The following PARVG variants were observed in gnomAD, a reference collection of about 807,000 sequenced individuals.
The protein encoded by PARVG is parvin gamma, also known as gamma-parvin.
In PARVG, 36 loss-of-function variants were observed where a neutral mutation model predicts 44.4. The ratio of observed to expected loss-of-function variants is 0.81; its 90% CI spans 0.62 to 1.07. PARVG has a LOEUF of 1.07. PARVG is among the 50% of genes least tolerant of loss of function. The pLI is 0.00. For synonymous variants in PARVG, 170 were observed against 174.1 expected (o/e 0.98, Z 0.19); for missense variants, 407 against 407.4 (o/e 1.00, Z 0.01).
chr22:44,174,213 GGAGT>G (rs2054297127), intron 1 of PARVG, among the ~76,000 whole-genome samples: 1 of 151,976 alleles, frequency 6.6e-6, no homozygotes, highest in African/African-American at 2.4e-5. Flanking sequence ...GTGGGGCAGG[GGAGT>G]GAGAGGGAAC....
rs961986652 is a variant in PARVG at position 44,208,179 on chromosome 22, T to C, written c.*1753T>C. On this transcript the variant is annotated 3_prime_UTR_variant, in exon 14 of 14. Transcript: ENST00000444313. ...CTGTTCCACGTCCTCACTCTTGTTC[T>C]ATTTGACAGCAATTAAAAAAAAAGT... 2 of 152,218 alleles carry C rather than the reference T, an allele frequency of 1.3e-5. No homozygotes were observed. Among genetic ancestry groups the C allele is most frequent in the African/African-American group, 4.8e-5 (2 of 41,462 alleles). 9.4% of individuals were successfully genotyped at this position (152,218 alleles called of 1,614,324 possible).
intron 12 of PARVG, among the ~76,000 whole-genome samples, chr22:44,200,652 A>G (rs2054694922): frequency 6.6e-6 from 1 of 152,144 alleles, no homozygotes; most frequent in African/African-American, 2.4e-5. Context: ...CTGCAGCAGT[A>G]GCTTTTTCTA....
chr22:44,197,653 T>G (rs1251398039), intron 11 of PARVG, among the ~76,000 whole-genome samples: 1 of 152,152 alleles, frequency 6.6e-6, no homozygotes, highest in Non-Finnish European at 1.5e-5. Context: ...CCCTCCACAT[T>G]TGCTGTGTGA....
At chr22:44,204,184 C>T (rs923103556) in intron 12 of PARVG, among the ~76,000 whole-genome samples, 93 of 151,992 alleles carry the variant, frequency 6.1e-4, no homozygotes, top group African/African-American at 2.1e-3. Flanking sequence ...AGCGGCCCTG[C>T]TGCTGCTGCT....
At chr22:44,201,838 C>T (rs906749420) in intron 12 of PARVG, among the ~76,000 whole-genome samples, 3 of 152,212 alleles carry the variant, frequency 2.0e-5, no homozygotes, top group Non-Finnish European at 2.9e-5. Context: ...CTGCCATGTT[C>T]CTTCTGGGAC....
At chr22:44,205,979 G>A (rs908469222) in intron 13 of PARVG, 150 bp downstream of exon 13, 5 of 987,860 alleles carry the variant, frequency 5.1e-6, no homozygotes, top group South Asian at 1.5e-5. Context: ...CGCTTGCCAA[G>A]GTTTCTTGGG....
chr22:44,191,149 G>T (rs2054542680), intron 7 of PARVG, among the ~76,000 whole-genome samples: 1 of 152,102 alleles, frequency 6.6e-6, no homozygotes, highest in Non-Finnish European at 1.5e-5. Flanking sequence ...CAGATGTTCT[G>T]TCTAGCATGC....
intron 9 of PARVG, 116 bp from the exon 10 acceptor site, chr22:44,196,039 A>C (rs2054612376): frequency 9.1e-7 from 1 of 1,095,678 alleles, no homozygotes; most frequent in African/African-American, 1.6e-5. Context: ...ATGATGTAAA[A>C]CGACAGCTCC....
In PARVG at chr22:44,182,009, G is replaced by C; in HGVS notation, c.-13+92G>C. 1 of 966,474 alleles carries C rather than the reference G, an allele frequency of 1.0e-6. No homozygotes were observed. The highest frequency in any genetic ancestry group is 1.2e-6 in the Non-Finnish European group (1 of 812,636). The allele number at this position is 966,474 out of a possible 1,614,324, so 59.9% of individuals were successfully genotyped here. A position where few individuals can be genotyped will look rare whatever the true frequency, so the allele number is the denominator to read the frequency against. ...CACCTGGGAAGGATCCCAGAGTGCA[G>C]TCCCAGCCCAGGCCACCCGGGGAAG... On this transcript the variant is annotated intron_variant, in intron 2 of 13. Transcript: ENST00000444313. The surrounding 1 kb of genome is among the most constrained non-coding windows in gnomAD (Gnocchi z 4.6).
chr22:44,177,823 A>G (rs1260394515), upstream of PARVG, among the ~76,000 whole-genome samples: 4 of 152,172 alleles, frequency 2.6e-5, no homozygotes, highest in African/African-American at 9.7e-5. Context: ...CCGTGATCAC[A>G]CCACTGCACT....
At chr22:44,173,336 A>G (rs12158585) in intron 1 of PARVG, 59,558 of 676,052 alleles carry the variant, frequency 0.088, 2,940 homozygotes, top group African/African-American at 0.14. Context: ...TTGCATGCTG[A>G]CCAGTAAGTG....
upstream of PARVG, among the ~76,000 whole-genome samples, chr22:44,178,212 C>T (rs2054336960): frequency 2.0e-5 from 3 of 152,196 alleles, no homozygotes; most frequent in Admixed American, 2.0e-4. Flanking sequence ...ACTCTTTGTA[C>T]TTTCCTGCAG....
chr22:44,188,238 CG>C, intron 5 of PARVG: 1 of 257,820 alleles, frequency 3.9e-6, no homozygotes, highest in Non-Finnish European at 7.7e-6. Context: ...AGAGAGAAAA[CG>C]GGCAGTCCTG....
At position 44,185,835 on chromosome 22, in the gene PARVG, C is replaced by T. The variant is rs374961285; in HGVS notation, c.107C>T (p.Thr36Ile). ...GGAAAGAAGAAATACCTGCCACCCA[C>T]TTCCCGGAAGGACCCCAAATTTGAA... ...KGGKKKYLPP[T>I]SRKDPKFEEL... Residue 36 changes from threonine (T) to isoleucine (I), a missense_variant, in exon 4 of 14, where the codon ACT becomes ATT. Thr to Ile is a moderately conservative substitution (Grantham distance 89, BLOSUM62 -1). Transcript: ENST00000444313. The T allele has an allele frequency of 1.5e-5, 24 of 1,613,840 alleles. No homozygotes were observed. In the African/African-American group the frequency reaches 2.5e-4, roughly 17 times the overall value.
chr22:44,202,510 C>T (rs969238709), intron 12 of PARVG, among the ~76,000 whole-genome samples: 8 of 152,210 alleles, frequency 5.3e-5, no homozygotes, highest in Non-Finnish European at 7.3e-5. Flanking sequence ...TGTGTGCAGC[C>T]GCTTTGCTGA....
intron 12 of PARVG, among the ~76,000 whole-genome samples, chr22:44,199,682 C>A (rs139154): frequency 0.2 from 29,861 of 152,080 alleles, 3,127 homozygotes; most frequent in Admixed American, 0.23. Flanking sequence ...CTCAAGGAGT[C>A]AGGAAGGGCA....
intron 8 of PARVG, among the ~76,000 whole-genome samples, chr22:44,193,297 C>T (rs1011507003): frequency 2.6e-5 from 4 of 152,108 alleles, no homozygotes; most frequent in East Asian, 1.9e-4. Context: ...AAAGAGGACA[C>T]GCAGTATGGT....
intron 1 of PARVG, among the ~76,000 whole-genome samples, chr22:44,173,843 G>A (rs9614360): frequency 0.23 from 34,794 of 152,052 alleles, 4,127 homozygotes; most frequent in Non-Finnish European, 0.27. Context: ...CACAGTGCAC[G>A]GGACAGGCTC....
In PARVG at chr22:44,182,614, A is replaced by G. The variant is rs2147217744; in HGVS notation, c.-13+697A>G. Among the ~76,000 whole-genome samples, 1 of 152,226 alleles carries G rather than the reference A, an allele frequency of 6.6e-6. No individual in the cohort carries two copies. Among genetic ancestry groups the G allele is most frequent in the South Asian group, 2.1e-4 (1 of 4,826 alleles). ...ACCTCAATGTCTGATTGAGTTTGAA[A>G]ACACTGAGAAGACCCAGGGGCTGAA... On this transcript the variant is annotated intron_variant, in intron 2 of 13. Coordinates refer to ENST00000444313, the MANE Select transcript of PARVG (RefSeq NM_022141.7). This position sits in a 1 kb window ranked among gnomAD's most constrained non-coding sequence, Gnocchi z 4.6.
Sources: gnomAD v4.1 joint callset for allele counts (sites outside exome capture counted in the v4.1 genomes callset) on GRCh38, gnomAD v4.1.1 for gene constraint, Gnocchi (gnomAD v3.1) non-coding constraint, MANE v1.5 for transcripts, NCBI Gene and HGNC (gene_info 2026-07-23, HGNC 2026-07-21) for gene names.